The following CCDC81 variants were observed in gnomAD, a reference collection of about 807,000 sequenced individuals.
CCDC81 encodes coiled-coil domain containing 81, also known as coiled-coil domain-containing protein 81.
CCDC81 carries 79 observed loss-of-function variants against 83.7 expected under a neutral mutation model. The ratio of observed to expected loss-of-function variants is 0.94; its 90% CI spans 0.79 to 1.14. CCDC81 has a LOEUF of 1.14. CCDC81 is among the 50% of genes most tolerant of loss of function. CCDC81 has a pLI of 0.00. For synonymous variants in CCDC81, 252 were observed against 278.1 expected (o/e 0.91, Z 0.93); for missense variants, 791 against 778.1 (o/e 1.02, Z -0.20).
At chr11:86,382,052 A>G (rs767725528) in intron 1 of CCDC81, among the ~76,000 whole-genome samples, 34 of 152,154 alleles carry the variant, frequency 2.2e-4, no homozygotes, top group Admixed American at 4.6e-4. Flanking sequence ...AGTGTATTCT[A>G]AAGTAGGCTA....
chr11:86,415,954 G>A (rs1593942470), intron 13 of CCDC81, among the ~76,000 whole-genome samples: 1 of 152,304 alleles, frequency 6.6e-6, no homozygotes, highest in Non-Finnish European at 1.5e-5. Context: ...GATTACAGGT[G>A]TGAGCCACAG....
chr11:86,407,159 A>G (rs1332124399), intron 7 of CCDC81, among the ~76,000 whole-genome samples: 1 of 152,240 alleles, frequency 6.6e-6, no homozygotes, highest in Non-Finnish European at 1.5e-5. Flanking sequence ...TCATCATGGA[A>G]CATACTATAG....
At chr11:86,402,195 C>T (rs1220779910) in intron 7 of CCDC81, among the ~76,000 whole-genome samples, 1 of 137,852 alleles carries the variant, frequency 7.3e-6, no homozygotes, top group East Asian at 2.1e-4. Context: ...ATTACTAAAA[C>T]AACACGTTTA....
intron 7 of CCDC81, among the ~76,000 whole-genome samples, chr11:86,405,839 C>T (rs1410127364): frequency 2.7e-5 from 4 of 150,610 alleles, no homozygotes; most frequent in African/African-American, 4.9e-5. Context: ...CTTGGCTCAC[C>T]GCAACCTCCG....
intron 14 of CCDC81, among the ~76,000 whole-genome samples, 185 bp from the exon 15 acceptor site, chr11:86,422,389 T>C (rs1318490094): frequency 6.6e-6 from 1 of 152,046 alleles, no homozygotes; most frequent in African/African-American, 2.4e-5. Flanking sequence ...TTTTATTTAG[T>C]AGAGAACGAC....
At chr11:86,376,566 C>T (rs182038153) in intron 1 of CCDC81, among the ~76,000 whole-genome samples, 4 of 152,210 alleles carry the variant, frequency 2.6e-5, no homozygotes, top group Admixed American at 2.6e-4. Flanking sequence ...CCCTCACCAT[C>T]ATGAGAACAG....
At chr11:86,376,121 T>TA (rs1344966386) in intron 1 of CCDC81, among the ~76,000 whole-genome samples, 3 of 152,220 alleles carry the variant, frequency 2.0e-5, no homozygotes, top group Non-Finnish European at 4.4e-5. Flanking sequence ...CTAGTTAACT[T>TA]ACGGTGAACA....
chr11:86,417,241 A>C (rs1245977773), intron 13 of CCDC81, among the ~76,000 whole-genome samples: 1 of 151,568 alleles, frequency 6.6e-6, no homozygotes, highest in African/African-American at 2.4e-5. Context: ...TGCCTCAAAA[A>C]AAAAAAAAAA....
Position 86,419,909 on chromosome 11 carries a change from G to A in CCDC81, c.1692-19G>A. 6.2e-7 allele frequency: 1 copy of A among 1,604,658 alleles called. No homozygotes were observed. Among genetic ancestry groups the A allele is most frequent in the Non-Finnish European group, 8.5e-7 (1 of 1,176,170 alleles). On this transcript the variant is annotated intron_variant, in intron 13 of 14. Coordinates refer to ENST00000445632, the MANE Select transcript of CCDC81 (RefSeq NM_001156474.2). ...GCTCTTCCAAGTATTATGGAGCCAG[G>A]CTGTTCTTTTCTCTCCAGGCACTTG...
chr11:86,395,262 C>A, intron 4 of CCDC81, 72 bp from the exon 5 acceptor site: 4 of 1,168,016 alleles, frequency 3.4e-6, no homozygotes, highest in Non-Finnish European at 3.8e-6. Context: ...TGCCTATGAG[C>A]CTGCAGTTTT....
rs193208949 is a variant in CCDC81, at chr11:86,400,439, T to C, written c.758-239T>C. 2.6e-5 allele frequency among the ~76,000 whole-genome samples: 4 copies of C among 152,362 alleles called. No homozygotes were observed. The East Asian group carries it at 7.7e-4, about 29-fold the overall frequency. On this transcript the variant is annotated intron_variant, in intron 6 of 14. Transcript: ENST00000445632. ...ACTAACACGTCTCCTGGTCATGTTA[T>C]ATCCAGCCCACTTCCTGCATTTATG...
chr11:86,385,560 C>G (rs1440308313), intron 1 of CCDC81, among the ~76,000 whole-genome samples: 5 of 152,108 alleles, frequency 3.3e-5, no homozygotes, highest in African/African-American at 1.2e-4. Context: ...GAGGATTTAG[C>G]AAAAATAGAA....
chr11:86,419,967 T>TA lies in CCDC81; in HGVS notation c.1732dup (p.Arg578LysfsTer28). ...GAACCGCTGAGCTGGAGCGAGTAAA[T>TA]AGAGTCAACCAATGCTTACAGGAGG... On this transcript the variant is annotated frameshift_variant, in exon 14 of 15. Coordinates refer to ENST00000445632, the MANE Select transcript of CCDC81 (RefSeq NM_001156474.2). LOFTEE classifies it high-confidence loss of function. 6.2e-7 allele frequency: 1 copy of TA among 1,613,702 alleles called. No individual in the cohort carries two copies. Among genetic ancestry groups the TA allele is most frequent in the Non-Finnish European group, 8.5e-7 (1 of 1,179,862 alleles).
Position 86,414,798 on chromosome 11 carries a change from G to A in CCDC81, c.1401G>A (p.Ala467=), listed in dbSNP as rs748727666. 22 of 1,609,350 alleles carry A rather than the reference G, an allele frequency of 1.4e-5. No individual in the cohort carries two copies. The highest frequency in any genetic ancestry group is 2.2e-5 in the East Asian group (1 of 44,868). ...TGTTCTTAACTGCCAGACTTGCTGC[G>A]CAAAGAGCGAAATTTTTAAAAGATA... ...EQVQLTEELA[A]QRAKFLKDKM... is the part of the protein sequence containing the mutation. The change falls in exon 12 of 15, where the codon GCG becomes GCA. Residue 467 remains alanine, a synonymous_variant. Transcript: ENST00000445632.
In CCDC81 at chr11:86,387,548, T is replaced by C; in HGVS notation, c.174T>C (p.Thr58=). 6.2e-7 allele frequency: 1 copy of C among 1,614,112 alleles called. No individual in the cohort carries two copies. The highest frequency in any genetic ancestry group is 8.5e-7 in the Non-Finnish European group (1 of 1,179,986). Residue 58 remains threonine, a synonymous_variant, in exon 3 of 15, where the codon ACT becomes ACC. Coordinates refer to ENST00000445632, the MANE Select transcript of CCDC81 (RefSeq NM_001156474.2). ...GVQIPAFGTF[T]FIRQKLEVGN... ...AGATTCCAGCATTTGGAACTTTCAC[T>C]TTCATAAGACAAAAGCTTGAGGTGG...
rs2138550740 is a variant in CCDC81 at position 86,422,843 on chromosome 11, G to T, written c.*128G>T. Reference sequence around the variant, plus strand: ...TTGTTTAGGTTTGGTGCTTTCATTAGATTGCTTGTTAAGCCCTTATTGAAT... The same window carrying T: ...TTGTTTAGGTTTGGTGCTTTCATTATATTGCTTGTTAAGCCCTTATTGAAT... On this transcript the variant is annotated 3_prime_UTR_variant, in exon 15 of 15. Transcript: ENST00000445632. 5 of 926,926 alleles carry T rather than the reference G, an allele frequency of 5.4e-6. No homozygotes were observed. In the East Asian group the frequency reaches 1.3e-4, roughly 25 times the overall value. The allele number at this position is 926,926 out of a possible 1,614,324, so 57.4% of individuals were successfully genotyped here. A position where few individuals can be genotyped will look rare whatever the true frequency, so the allele number is the denominator to read the frequency against.
chr11:86,417,499 C>A (rs1385658888), intron 13 of CCDC81, among the ~76,000 whole-genome samples: 1 of 151,820 alleles, frequency 6.6e-6, no homozygotes, highest in East Asian at 1.9e-4. Context: ...CTTTCTTTAA[C>A]CTAGCAATGT....
intron 6 of CCDC81, among the ~76,000 whole-genome samples, chr11:86,399,497 G>A (rs916410049): frequency 1.3e-5 from 2 of 151,996 alleles, no homozygotes; most frequent in Admixed American, 6.5e-5. Context: ...TGTACTTTTT[G>A]TAGAAACAGG....
chr11:86,385,640 TG>T (rs1948232167), intron 1 of CCDC81, among the ~76,000 whole-genome samples: 2 of 152,176 alleles, frequency 1.3e-5, no homozygotes, highest in South Asian at 4.1e-4. Context: ...ATTCCTGTGT[TG>T]TGGAATGGTG....
Sources: allele counts gnomAD v4.1 joint callset (sites outside exome capture counted in the v4.1 genomes callset), GRCh38; gene constraint gnomAD v4.1.1; transcripts MANE v1.5; gene names NCBI Gene and HGNC (gene_info 2026-07-23, HGNC 2026-07-21).